Variants in TRIM2 observed in about 807,000 individuals in gnomAD.
TRIM2 encodes the protein tripartite motif-containing protein 2.
TRIM2 carries 20 observed loss-of-function variants against 75.2 expected under a neutral mutation model. The observed-to-expected ratio is 0.27, with a 90% confidence interval of 0.19 to 0.39. TRIM2 has a LOEUF of 0.39. TRIM2 is among the 10% of genes least tolerant of loss of function. The probability of loss-of-function intolerance (pLI) is 1.00; values close to 1 mark genes in which losing one functional copy is unlikely to be tolerated. For synonymous variants in TRIM2, 373 were observed against 388.3 expected (o/e 0.96, Z 0.46); for missense variants, 660 against 990.8 (o/e 0.67, Z 4.48).
chr4:153,336,351 A>T lies in TRIM2; in HGVS notation c.*1385A>T. On this transcript the variant is annotated 3_prime_UTR_variant, in exon 12 of 12. Transcript: ENST00000338700. ...GAAAATGGCCTTCTGTGCTTTCAAA[A>T]AAAAAAACAAAAAAAAAACCACACA... 1.0e-6 allele frequency: 1 copy of T among 984,566 alleles called. No homozygotes were observed. The highest frequency in any genetic ancestry group is 1.2e-6 in the Non-Finnish European group (1 of 829,330). 61.0% of individuals were successfully genotyped at this position (984,566 alleles called of 1,614,324 possible).
intron 1 of TRIM2, among the ~76,000 whole-genome samples, chr4:153,162,441 T>A (rs1353869553): frequency 6.6e-6 from 1 of 152,204 alleles, no homozygotes; most frequent in African/African-American, 2.4e-5. Context: ...ACAGACCATC[T>A]GCTGGAAAGT....
At position 153,334,870 on chromosome 4, in the gene TRIM2, C is replaced by G. The variant is rs763024851; in HGVS notation, c.2220C>G (p.Leu740=). The G allele has an allele frequency of 6.2e-6, 10 of 1,613,968 alleles. No homozygotes were observed. The highest frequency in any genetic ancestry group is 8.5e-6 in the Non-Finnish European group (10 of 1,179,964). Residue 740 remains leucine, a synonymous_variant, in exon 12 of 12, where the codon CTC becomes CTG. Coordinates refer to ENST00000338700, the MANE Select transcript of TRIM2 (RefSeq NM_015271.5). The stretch of plus-strand genomic sequence containing the variant: ...ACATTAACACATCTGCTGACCCACT[C>G]TATGGCCCCCAAGGCCTGGCCCTAA... ...LSYINTSADP[L]YGPQGLALTS...
chr4:153,230,638 G>T (rs1210296665), intron 1 of TRIM2, among the ~76,000 whole-genome samples: 1 of 152,204 alleles, frequency 6.6e-6, no homozygotes, highest in African/African-American at 2.4e-5. Context: ...CTGGGATACT[G>T]CATGCCTTAA....
intron 11 of TRIM2, among the ~76,000 whole-genome samples, chr4:153,332,997 G>A (rs577044336): frequency 1.6e-4 from 25 of 152,184 alleles, no homozygotes; most frequent in African/African-American, 3.6e-4. Context: ...GAAAACTTAC[G>A]TCCACACAAA....
chr4:153,221,874 GGGAAGGAGGAAGGAA>G (rs1740288931), intron 1 of TRIM2, among the ~76,000 whole-genome samples: 2 of 119,450 alleles, frequency 1.7e-5, no homozygotes, highest in South Asian at 3.4e-4. Context: ...GAGGAAGGAA[GGGAAGGAGGAAGGAA>G]GGAAGGAGGG....
At chr4:153,176,687 C>G (rs969594496) in intron 1 of TRIM2, among the ~76,000 whole-genome samples, 2 of 152,076 alleles carry the variant, frequency 1.3e-5, no homozygotes, top group African/African-American at 4.8e-5. Context: ...TTCGGCTCAC[C>G]ACAACCTCCA....
chr4:153,197,176 G>A (rs565365646), intron 1 of TRIM2, among the ~76,000 whole-genome samples: 1 of 152,272 alleles, frequency 6.6e-6, no homozygotes, highest in South Asian at 2.1e-4. Context: ...AAATTATGTA[G>A]AATAATAAAT....
chr4:153,289,240 GT>G (rs1761340078), intron 3 of TRIM2, among the ~76,000 whole-genome samples: 1 of 151,984 alleles, frequency 6.6e-6, no homozygotes, highest in Admixed American at 6.6e-5. Context: ...GATTATTATA[GT>G]TTTTTGCTGT....
intron 6 of TRIM2, among the ~76,000 whole-genome samples, chr4:153,312,296 T>G (rs1766540161): frequency 6.6e-6 from 1 of 152,092 alleles, no homozygotes; most frequent in South Asian, 2.1e-4. Context: ...TGCCACATTT[T>G]CTTAATCCAG....
chr4:153,294,306 C>G lies in TRIM2; in HGVS notation c.607C>G (p.Leu203Val). The G allele has an allele frequency of 6.2e-7, 1 of 1,613,844 alleles. No homozygotes were observed. Among genetic ancestry groups the G allele is most frequent in the Non-Finnish European group, 8.5e-7 (1 of 1,179,820 alleles). The stretch of plus-strand genomic sequence containing the variant: ...CGACCTTTAACAACTGTCCACCAGG[C>G]TCCCAGAAATAGATTCTGCTCTTCA... ...QVQLDAVNKR[L>V]PEIDSALQFI... The change falls in exon 5 of 12, where the codon CTC becomes GTC. Residue 203 changes from leucine to valine, a missense_variant and splice_region_variant. Transcript: ENST00000338700.
At chr4:153,273,293 T>TTTTTTTTTTTTTTTTTTGTCA (rs1757231292) in intron 2 of TRIM2, among the ~76,000 whole-genome samples, 1 of 107,698 alleles carries the variant, frequency 9.3e-6, no homozygotes, top group African/African-American at 3.1e-5. Context: ...TTTTTTTTTT[T>TTTTTTTTTTTTTTTTTTGTCA]GAGACAGAGT....
At chr4:153,192,428 A>T (rs544011231) in intron 1 of TRIM2, among the ~76,000 whole-genome samples, 1 of 152,064 alleles carries the variant, frequency 6.6e-6, no homozygotes, top group South Asian at 2.1e-4. Context: ...GAAACATGGC[A>T]AAACCCCATC....
chr4:153,322,637 G>C lies in TRIM2; in HGVS notation c.1783-11G>C. 1 of 1,612,774 alleles carries C rather than the reference G, an allele frequency of 6.2e-7. No individual in the cohort carries two copies. The highest frequency in any genetic ancestry group is 2.2e-5 in the East Asian group (1 of 44,818). Reference sequence around the variant, plus strand: ...ATACTGTACTTCTATTTCTGTACTTGTTTCAAACAGACAAAAATTGGATCA... The same window carrying C: ...ATACTGTACTTCTATTTCTGTACTTCTTTCAAACAGACAAAAATTGGATCA... On this transcript the variant is annotated splice_polypyrimidine_tract_variant and intron_variant, in intron 8 of 11. Coordinates refer to ENST00000338700, the MANE Select transcript of TRIM2 (RefSeq NM_015271.5).
At chr4:153,260,696 C>CTCA (rs1560902840) in intron 1 of TRIM2, among the ~76,000 whole-genome samples, 7 of 58,070 alleles carry the variant, frequency 1.2e-4, no homozygotes, top group Admixed American at 1.7e-4. Flanking sequence ...ACCCACCCCC[C>CTCA]CCCCCACACA....
At chr4:153,287,127 G>A (rs1423750136) in intron 3 of TRIM2, among the ~76,000 whole-genome samples, 2 of 152,086 alleles carry the variant, frequency 1.3e-5, no homozygotes, top group African/African-American at 4.8e-5. Context: ...ACAGGCACAC[G>A]CCACTATGCT....
chr4:153,278,939 A>G (rs941923311), intron 3 of TRIM2, among the ~76,000 whole-genome samples: 4 of 152,240 alleles, frequency 2.6e-5, no homozygotes, highest in African/African-American at 9.6e-5. Context: ...GGTGGGACAC[A>G]GGTGGGCCTG....
At chr4:153,202,779 C>T (rs991724214), upstream of TRIM2, among the ~76,000 whole-genome samples, 1 of 150,342 alleles carries the variant, frequency 6.7e-6, no homozygotes, top group Non-Finnish European at 1.5e-5. Context: ...TATCAAAGGG[C>T]ATTGGAAGGT....
At chr4:153,257,646 C>A in intron 1 of TRIM2, 1 of 1,230,868 alleles carries the variant, frequency 8.1e-7, no homozygotes, top group Non-Finnish European at 1.1e-6. Flanking sequence ...TGGTGCTTCC[C>A]AACTTGAAGT....
At chr4:153,228,531 T>C (rs1387529550) in intron 1 of TRIM2, among the ~76,000 whole-genome samples, 2 of 152,238 alleles carry the variant, frequency 1.3e-5, no homozygotes, top group African/African-American at 4.8e-5. Context: ...CTTTAGCTTC[T>C]CAATCTTAGC....
Sources: allele counts gnomAD v4.1 joint callset (sites outside exome capture counted in the v4.1 genomes callset), GRCh38; gene constraint gnomAD v4.1.1; transcripts MANE v1.5; gene names NCBI Gene and HGNC (gene_info 2026-07-23, HGNC 2026-07-21).